PDGFC: variants seen among roughly 807,000 people sequenced by gnomAD.
PDGFC encodes the protein platelet-derived growth factor C.
PDGFC carries 12 observed loss-of-function variants against 35.5 expected under a neutral mutation model. The ratio of observed to expected loss-of-function variants is 0.34; its 90% CI spans 0.22 to 0.55. The LOEUF (loss-of-function observed/expected upper bound fraction) is 0.55. PDGFC is among the 20% of genes least tolerant of loss of function. The pLI is 0.91. For missense variants in PDGFC, 322 were observed against 412.4 expected (o/e 0.78, Z 1.90); for synonymous variants, 159 against 148.8 (o/e 1.07, Z -0.50).
At chr4:156,888,027 T>C (rs930608022) in intron 1 of PDGFC, among the ~76,000 whole-genome samples, 3 of 150,198 alleles carry the variant, frequency 2.0e-5, no homozygotes, top group Non-Finnish European at 3.0e-5. Flanking sequence ...AAAAGATTGA[T>C]AAATATAATT....
At chr4:156,766,896 A>C (rs1730552975) in intron 5 of PDGFC, among the ~76,000 whole-genome samples, 1 of 152,110 alleles carries the variant, frequency 6.6e-6, no homozygotes, top group Non-Finnish European at 1.5e-5. Context: ...TTTCACTGAA[A>C]TCTTGATGCA....
chr4:156,775,367 A>C (rs1199933670), intron 3 of PDGFC, among the ~76,000 whole-genome samples: 1 of 152,176 alleles, frequency 6.6e-6, no homozygotes, highest in Non-Finnish European at 1.5e-5. Context: ...ACAAATGGAA[A>C]GTTTCAAAAT....
chr4:156,811,141 C>T (rs979992447), intron 2 of PDGFC, 124 bp from the exon 3 acceptor site: 21 of 481,472 alleles, frequency 4.4e-5, no homozygotes, highest in East Asian at 1.0e-4. Flanking sequence ...AAAATTTAAC[C>T]GGGAACATAT....
chr4:156,808,527 G>C (rs1480956401), intron 3 of PDGFC, among the ~76,000 whole-genome samples: 2 of 151,896 alleles, frequency 1.3e-5, no homozygotes, highest in African/African-American at 4.8e-5. Flanking sequence ...CCTTGCCCCT[G>C]AGCAAAGGCC....
At position 156,763,056 on chromosome 4, in the gene PDGFC, C is replaced by T; in HGVS notation, c.*34G>A. On this transcript the variant is annotated 3_prime_UTR_variant, in exon 6 of 6. Coordinates refer to ENST00000502773, the MANE Select transcript of PDGFC (RefSeq NM_016205.3). ...TAATAGAATCAGCCACTGCACTGCA[C>T]AGCTCTGGGCAAGAGCTGCTGGTGG... 9.1e-7 allele frequency: 1 copy of T among 1,104,314 alleles called. No individual in the cohort carries two copies. Among genetic ancestry groups the T allele is most frequent in the Non-Finnish European group, 1.4e-6 (1 of 714,538 alleles). 68.4% of individuals were successfully genotyped at this position (1,104,314 alleles called of 1,614,324 possible). A position where few individuals can be genotyped will look rare whatever the true frequency, so the allele number is the denominator to read the frequency against.
rs1435672568 is a variant in PDGFC at position 156,921,106 on chromosome 4, C to T, written c.118+49680G>A. Among the ~76,000 whole-genome samples, 3 of 152,132 alleles carry T rather than the reference C, an allele frequency of 2.0e-5. No individual in the cohort carries two copies. In the East Asian group the frequency reaches 5.8e-4, roughly 29 times the overall value. On this transcript the variant is annotated intron_variant, in intron 1 of 5. Coordinates refer to ENST00000502773, the MANE Select transcript of PDGFC (RefSeq NM_016205.3). Reference sequence around the variant, plus strand: ...GAGCAGTCAAAAAATTTTAAGATTCCTAAGCAATTTTAAGTTGTTTTCTTC... The same window carrying T: ...GAGCAGTCAAAAAATTTTAAGATTCTTAAGCAATTTTAAGTTGTTTTCTTC...
chr4:156,833,640 G>A (rs760698891), intron 2 of PDGFC, among the ~76,000 whole-genome samples: 32 of 151,932 alleles, frequency 2.1e-4, no homozygotes, highest in African/African-American at 3.6e-4. Flanking sequence ...TAACTTTTTC[G>A]TTTTGCCTAG....
intron 2 of PDGFC, among the ~76,000 whole-genome samples, chr4:156,825,584 T>TAAGAAGAAGAAGAAGAAGAAGAAGGAG (rs1371864016): frequency 1.1e-5 from 1 of 90,238 alleles, no homozygotes; most frequent in African/African-American, 6.0e-5. Flanking sequence ...ATAATAATAA[T>TAAGAAGAAGAAGAAGAAGAAGAAGGAG]AATAATAATA....
At chr4:156,784,498 T>C (rs1731067888) in intron 3 of PDGFC, among the ~76,000 whole-genome samples, 1 of 151,826 alleles carries the variant, frequency 6.6e-6, no homozygotes, top group Admixed American at 6.6e-5. Flanking sequence ...TTCATCGAAG[T>C]AAGAAAGGAA....
At chr4:156,896,965 G>A (rs1384875038) in intron 1 of PDGFC, among the ~76,000 whole-genome samples, 1 of 152,160 alleles carries the variant, frequency 6.6e-6, no homozygotes, top group East Asian at 1.9e-4. Context: ...CTGTTAAAAT[G>A]ATGGCATCAC....
chr4:156,797,573 C>T (rs1440142862), intron 3 of PDGFC, among the ~76,000 whole-genome samples: 1 of 152,180 alleles, frequency 6.6e-6, no homozygotes, highest in Non-Finnish European at 1.5e-5. Flanking sequence ...TCTTGGGCCA[C>T]ACATTAAATA....
chr4:156,846,996 T>C (rs919654480), intron 2 of PDGFC, among the ~76,000 whole-genome samples: 1 of 151,706 alleles, frequency 6.6e-6, no homozygotes, highest in African/African-American at 2.4e-5. Context: ...TAGATTTTGC[T>C]TATAACACAA....
At chr4:156,861,553 T>C in intron 1 of PDGFC, 2 of 507,836 alleles carry the variant, frequency 3.9e-6, no homozygotes, top group Non-Finnish European at 3.3e-6. Flanking sequence ...ATCTAGGTGG[T>C]TCAGAATCTT....
intron 1 of PDGFC, among the ~76,000 whole-genome samples, chr4:156,923,092 T>C (rs1394035438): frequency 6.6e-6 from 1 of 152,190 alleles, no homozygotes; most frequent in Non-Finnish European, 1.5e-5. Flanking sequence ...TCCAGAGTCT[T>C]CTCAGCATAT....
intron 3 of PDGFC, among the ~76,000 whole-genome samples, chr4:156,806,044 A>G (rs1275682869): frequency 6.6e-6 from 1 of 152,114 alleles, no homozygotes; most frequent in Non-Finnish European, 1.5e-5. Flanking sequence ...TAATACTTAC[A>G]TACTATACTA....
intron 3 of PDGFC, among the ~76,000 whole-genome samples, chr4:156,788,214 A>C (rs558619236): frequency 1.9e-3 from 295 of 152,248 alleles, no homozygotes; most frequent in African/African-American, 6.7e-3. Context: ...GAGAAAAAAA[A>C]ACACACACAG....
chr4:156,880,627 T>G (rs1054621136), intron 1 of PDGFC, among the ~76,000 whole-genome samples: 15 of 152,208 alleles, frequency 9.9e-5, no homozygotes, highest in Non-Finnish European at 1.9e-4. Context: ...GGAATCCATT[T>G]ATTTAGGGTA....
intron 3 of PDGFC, among the ~76,000 whole-genome samples, chr4:156,799,847 G>T (rs925697940): frequency 5.9e-5 from 9 of 152,200 alleles, no homozygotes; most frequent in African/African-American, 1.9e-4. Context: ...ACCGTGTGGA[G>T]ACACTACAGT....
In PDGFC at chr4:156,803,114, C is replaced by T. The variant is rs547659498; in HGVS notation, c.495+7723G>A. On this transcript the variant is annotated intron_variant, in intron 3 of 5. Transcript: ENST00000502773. Reference sequence around the variant, plus strand: ...TTGTGCAGCCATTCTAAAGGGCAAGCAGTCCACATTGGAGCAGGCCAGATG... The same window carrying T: ...TTGTGCAGCCATTCTAAAGGGCAAGTAGTCCACATTGGAGCAGGCCAGATG... 5.3e-5 allele frequency among the ~76,000 whole-genome samples: 8 copies of T among 152,258 alleles called. No homozygotes were observed. The South Asian group carries it at 1.7e-3, about 32-fold the overall frequency.
Sources: allele counts gnomAD v4.1 joint callset (sites outside exome capture counted in the v4.1 genomes callset), GRCh38; gene constraint gnomAD v4.1.1; transcripts MANE v1.5; gene names NCBI Gene and HGNC (gene_info 2026-07-23, HGNC 2026-07-21).